Variants in DYSF observed in about 807,000 individuals in gnomAD.
DYSF encodes the protein dystrophy-associated fer-1-like 1.
In DYSF, 212 loss-of-function variants were observed where a neutral mutation model predicts 274.9. That is an observed-to-expected ratio of 0.77 (90% CI 0.69 to 0.86). The LOEUF (loss-of-function observed/expected upper bound fraction) is 0.86. Among genes scored for constraint, DYSF ranks in the 40% least tolerant of loss-of-function variants. The pLI is 0.00. For synonymous variants in DYSF, 1,091 were observed against 1,078.7 expected, an observed-to-expected ratio of 1.01 and a Z score of -0.22; for missense variants, 2,666 against 2,783.2, an observed-to-expected ratio of 0.96 and a Z score of 0.95.
rs535070463 is a variant in DYSF at position 71,587,104 on chromosome 2, G to T, written c.3403-2489G>T. 2.0e-3 allele frequency among the ~76,000 whole-genome samples: 302 copies of T among 152,340 alleles called. 1 individual carries two copies. Among genetic ancestry groups the T allele is most frequent in the African/African-American group, 6.8e-3 (281 of 41,578 alleles). ...CCTGCCTCCCAAGTCTAAGAGGCCT[G>T]CTGGGCCTCCAGGTTTGCTTTGCGT... On this transcript the variant is annotated intron_variant, in intron 30 of 55. Coordinates refer to ENST00000410020, the MANE Select transcript of DYSF (RefSeq NM_001130987.2).
chr2:71,649,790 T>C (rs749804857), intron 42 of DYSF, among the ~76,000 whole-genome samples: 1 of 152,220 alleles, frequency 6.6e-6, no homozygotes, highest in Non-Finnish European at 1.5e-5. Flanking sequence ...TGTCAATACA[T>C]GTTACATCAG....
At chr2:71,582,931 A>T (rs1328506190) in intron 30 of DYSF, among the ~76,000 whole-genome samples, 3 of 150,358 alleles carry the variant, frequency 2.0e-5, no homozygotes, top group Non-Finnish European at 4.4e-5. Context: ...TAATCTCAGC[A>T]CTTTGGGAGG....
chr2:71,543,596 C>T (rs2090162271), intron 17 of DYSF, among the ~76,000 whole-genome samples: 1 of 152,200 alleles, frequency 6.6e-6, no homozygotes, highest in Non-Finnish European at 1.5e-5. Context: ...GAACGAGACT[C>T]CATCTGCAAT....
In DYSF at chr2:71,681,034, G is replaced by C; in HGVS notation, c.6097G>C (p.Glu2033Gln). The change falls in exon 54 of 56, where the codon GAG (glutamate) becomes CAG (glutamine). Residue 2033 changes from glutamate to glutamine, a missense_variant. Around this residue, in one of 3 missense-constraint regions of DYSF, gnomAD observed 1,460 missense variants for 1,502.1 expected, o/e 0.97. Coordinates refer to ENST00000410020, the MANE Select transcript of DYSF (RefSeq NM_001130987.2). The part of the protein sequence containing the change: ...KLEMTLEIVA[E>Q]SEHEERPAGQ... The stretch of plus-strand genomic sequence containing the variant: ...GGAAATGACCTTGGAGATTGTAGCA[G>C]AGAGTGAGCATGAGGAGCGGCCTGC... 1 of 1,614,214 alleles carries C rather than the reference G, an allele frequency of 6.2e-7. No individual in the cohort carries two copies. Among genetic ancestry groups the C allele is most frequent in the South Asian group, 1.1e-5 (1 of 91,090 alleles).
Position 71,547,384 on chromosome 2 carries a change from A to C in DYSF, c.1577-3657A>C, listed in dbSNP as rs139977497. On this transcript the variant is annotated intron_variant, in intron 17 of 55. Transcript: ENST00000410020. ...TGAATTAGGTTGGGTGCTGTGGCTC[A>C]CACCTGTAATCCCAGCACTTTGGGA... Among the ~76,000 whole-genome samples the C allele has an allele frequency of 2.4e-4, 37 of 152,304 alleles. No homozygotes were observed. In the East Asian group the frequency reaches 7.2e-3, roughly 30 times the overall value.
chr2:71,673,254 G>A (rs960589339), intron 51 of DYSF, among the ~76,000 whole-genome samples: 2 of 152,208 alleles, frequency 1.3e-5, no homozygotes, highest in Non-Finnish European at 2.9e-5. Context: ...TGACAGTGCT[G>A]TGGGTTGAGT....
intron 30 of DYSF, among the ~76,000 whole-genome samples, chr2:71,584,083 G>T (rs972611732): frequency 5.3e-5 from 8 of 152,188 alleles, no homozygotes; most frequent in South Asian, 2.1e-4. Context: ...GCCCCAGCCT[G>T]GGAGTTGCGG....
chr2:71,466,828 C>G lies in DYSF; in HGVS notation c.-15C>G. ...CCCTGACTGCGCGCCTGTGTGCCGC[C>G]GGGGCTGCCCAGCCATGCTGTGCTG... On this transcript the variant is annotated 5_prime_UTR_variant, in exon 1 of 56. Coordinates refer to ENST00000410020, the MANE Select transcript of DYSF (RefSeq NM_001130987.2). 6.6e-7 allele frequency: 1 copy of G among 1,508,060 alleles called. No individual in the cohort carries two copies. Among genetic ancestry groups the G allele is most frequent in the Non-Finnish European group, 9.0e-7 (1 of 1,115,422 alleles). The allele number at this position is 1,508,060 out of a possible 1,614,324, so 93.4% of individuals were successfully genotyped here.
intron 55 of DYSF, among the ~76,000 whole-genome samples, chr2:71,684,452 G>T (rs1019732548): frequency 7.9e-5 from 12 of 152,354 alleles, no homozygotes; most frequent in African/African-American, 2.2e-4. Flanking sequence ...ACGTGTGTGC[G>T]TCTGGGAGGT....
chr2:71,462,279 C>A (rs1573249167), upstream of DYSF, among the ~76,000 whole-genome samples: 2 of 152,142 alleles, frequency 1.3e-5, no homozygotes, highest in African/African-American at 4.8e-5. Flanking sequence ...CTGGTACAGG[C>A]ACTGGCTCTG....
At chr2:71,485,392 C>G (rs2083282383) in intron 3 of DYSF, among the ~76,000 whole-genome samples, 1 of 152,158 alleles carries the variant, frequency 6.6e-6, no homozygotes, top group Non-Finnish European at 1.5e-5. Flanking sequence ...CCCGTCACTA[C>G]TCAAAATACA....
At position 71,516,208 on chromosome 2, in the gene DYSF, C is replaced by A; in HGVS notation, c.917C>A (p.Pro306His). The A allele has an allele frequency of 6.2e-7, 1 of 1,614,194 alleles. No individual in the cohort carries two copies. Among genetic ancestry groups the A allele is most frequent in the South Asian group, 1.1e-5 (1 of 91,080 alleles). ...ETLFFNLFDS[P>H]GELFDEPIFI... ...CTTTTCTTCAACTTGTTTGACTCTC[C>A]TGGGGAGCTGTTTGATGAGCCCATC... is the stretch of plus-strand genomic sequence containing the variant. Residue 306 changes from proline to histidine, a missense_variant, in exon 9 of 56, where the codon CCT becomes CAT. This residue lies in a region of DYSF where 794 missense variants were observed against 777.1 expected (regional missense o/e 1.02). Coordinates refer to ENST00000410020, the MANE Select transcript of DYSF (RefSeq NM_001130987.2).
chr2:71,670,543 C>T (rs948803276), intron 51 of DYSF, among the ~76,000 whole-genome samples: 5 of 152,220 alleles, frequency 3.3e-5, no homozygotes, highest in African/African-American at 1.2e-4. Context: ...CATCACCCTC[C>T]TCTCTCCACT....
At chr2:71,566,487 T>C (rs1283008373) in intron 24 of DYSF, among the ~76,000 whole-genome samples, 1 of 151,638 alleles carries the variant, frequency 6.6e-6, no homozygotes, top group Admixed American at 6.6e-5. Context: ...CAAGAAAACA[T>C]TGGTGTTTCT....
chr2:71,672,739 G>C (rs2095150573), intron 51 of DYSF, among the ~76,000 whole-genome samples: 2 of 152,230 alleles, frequency 1.3e-5, no homozygotes, highest in African/African-American at 2.4e-5. Context: ...AATGGAGGCT[G>C]CTGGCGGGCC....
Position 71,611,607 on chromosome 2 carries a change from G to C in DYSF, c.4202G>C (p.Cys1401Ser). 1 of 1,613,918 alleles carries C rather than the reference G, an allele frequency of 6.2e-7. No homozygotes were observed. The highest frequency in any genetic ancestry group is 8.5e-7 in the Non-Finnish European group (1 of 1,179,980). ...CGGAAGAACCCCAACTTTGACATCT[G>C]CACCCTCTTCATGGAAGTGGTGAGC... is the stretch of plus-strand genomic sequence containing the variant. ...NLRKNPNFDI[C>S]TLFMEVMLPR... Residue 1401 changes from cysteine (C) to serine (S), a missense_variant, in exon 38 of 56, where the codon TGC (cysteine) becomes TCC (serine). Cys to Ser is a moderately radical substitution (Grantham distance 112). This residue lies in a region of DYSF where 1,460 missense variants were observed against 1,502.1 expected (regional missense o/e 0.97). Coordinates refer to ENST00000410020, the MANE Select transcript of DYSF (RefSeq NM_001130987.2).
chr2:71,516,341 C>T lies in DYSF; in HGVS notation c.951+99C>T, dbSNP rs112847324. ...GTTTGTGCACGTGTGTGCATGTGCA[C>T]GTCAGTGTGAATGCGTGAATGCGTG... On this transcript the variant is annotated intron_variant, in intron 9 of 55. Coordinates refer to ENST00000410020, the MANE Select transcript of DYSF (RefSeq NM_001130987.2). 6,113 of 1,224,734 alleles carry T rather than the reference C, an allele frequency of 5.0e-3. 163 individuals are homozygous for T. The African/African-American group carries it at 0.067, about 13-fold the overall frequency. The allele number at this position is 1,224,734 out of a possible 1,614,324, so 75.9% of individuals were successfully genotyped here. A position where few individuals can be genotyped will look rare whatever the true frequency, so the allele number is the denominator to read the frequency against.
At chr2:71,554,966 G>C (rs1218963411) in intron 21 of DYSF, among the ~76,000 whole-genome samples, 1 of 152,140 alleles carries the variant, frequency 6.6e-6, no homozygotes, top group East Asian at 1.9e-4. Flanking sequence ...AAGTGGAAGA[G>C]ACATGTGCAG....
At chr2:71,490,751 C>T (rs2083781061) in intron 3 of DYSF, among the ~76,000 whole-genome samples, 1 of 152,176 alleles carries the variant, frequency 6.6e-6, no homozygotes, top group Admixed American at 6.5e-5. Context: ...TTGCTTTTAT[C>T]ACTTCATCAT....
Sources: gnomAD v4.1 joint callset for allele counts (sites outside exome capture counted in the v4.1 genomes callset) on GRCh38, gnomAD v4.1.1 for gene constraint, gnomAD v4.1.1 regional missense constraint, MANE v1.5 for transcripts, NCBI Gene and HGNC (gene_info 2026-07-23, HGNC 2026-07-21) for gene names.